The following WDR59 variants were observed in gnomAD, a reference collection of about 807,000 sequenced individuals.
WDR59 encodes the protein WD repeat domain 59.
In WDR59, 100 loss-of-function variants were observed where a neutral mutation model predicts 131.2. That is an observed-to-expected ratio of 0.76 (90% CI 0.65 to 0.90). WDR59 has a LOEUF of 0.90. WDR59 is among the 40% of genes least tolerant of loss of function. The probability of loss-of-function intolerance (pLI) is 0.00; values close to 1 mark genes in which losing one functional copy is unlikely to be tolerated. For synonymous variants in WDR59, 601 were observed against 466.2 expected, an observed-to-expected ratio of 1.29 and a Z score of -3.72; for missense variants, 1,203 against 1,262.2, an observed-to-expected ratio of 0.95 and a Z score of 0.71.
intron 7 of WDR59, 72 bp from the exon 8 acceptor site, chr16:74,938,338 C>T: frequency 9.2e-7 from 1 of 1,081,378 alleles, no homozygotes; most frequent in Non-Finnish European, 1.3e-6. Flanking sequence ...TAAAAGTCTG[C>T]TAGGTAGTGA....
chr16:74,912,433 C>A, intron 13 of WDR59, 71 bp from the exon 14 acceptor site: 1 of 1,494,614 alleles, frequency 6.7e-7, no homozygotes, highest in Non-Finnish European at 9.1e-7. Flanking sequence ...GCACATTTAA[C>A]TGAACGCTCC....
intron 6 of WDR59, among the ~76,000 whole-genome samples, chr16:74,946,827 G>A (rs1304646519): frequency 7.2e-5 from 11 of 152,252 alleles, no homozygotes; most frequent in South Asian, 2.1e-4. Flanking sequence ...ATAAAAAGGC[G>A]TGGGGTACAG....
At position 74,909,807 on chromosome 16, in the gene WDR59, T is replaced by C; in HGVS notation, c.1485+15A>G. ...ACCAAAGCCTAAGTTGGTATGACAG[T>C]TTCATGCTTCCCACCACAAAGGACT... On this transcript the variant is annotated intron_variant, in intron 15 of 25. Transcript: ENST00000262144. The C allele has an allele frequency of 6.2e-7, 1 of 1,607,030 alleles. No homozygotes were observed. Among genetic ancestry groups the C allele is most frequent in the African/African-American group, 1.3e-5 (1 of 74,538 alleles).
intron 1 of WDR59, among the ~76,000 whole-genome samples, chr16:74,975,120 G>A (rs772027398): frequency 2.6e-5 from 4 of 152,190 alleles, no homozygotes; most frequent in Non-Finnish European, 4.4e-5. Context: ...CAGCACCTTG[G>A]GATGCCAAGG....
intron 18 of WDR59, among the ~76,000 whole-genome samples, chr16:74,894,413 A>T (rs1431796527): frequency 1.3e-5 from 2 of 152,200 alleles, no homozygotes; most frequent in Admixed American, 1.3e-4. Context: ...TGGGTAACAG[A>T]CATGGAAGAT....
chr16:74,911,474 T>C (rs1372882253), intron 14 of WDR59, among the ~76,000 whole-genome samples: 1 of 152,184 alleles, frequency 6.6e-6, no homozygotes, highest in Non-Finnish European at 1.5e-5. Context: ...TCCCTTCACT[T>C]GTGACACTGC....
intron 18 of WDR59, among the ~76,000 whole-genome samples, chr16:74,895,435 G>A (rs1017263676): frequency 1.3e-5 from 2 of 151,996 alleles, no homozygotes; most frequent in Non-Finnish European, 2.9e-5. Context: ...GCTAATTTTT[G>A]TATTTTTAGT....
At chr16:74,984,766 G>A (rs2034557503) in intron 1 of WDR59, 198 bp downstream of exon 1, 1 of 686,952 alleles carries the variant, frequency 1.5e-6, no homozygotes, top group African/African-American at 1.8e-5. Context: ...CCGAAACTCC[G>A]TCCATGCTCG....
chr16:74,951,489 T>G lies in WDR59; in HGVS notation c.295A>C (p.Thr99Pro). Residue 99 changes from threonine to proline, a missense_variant, in exon 4 of 26, where the codon ACA becomes CCA. Transcript: ENST00000262144. The stretch of plus-strand genomic sequence containing the variant: ...ACACGAGTGTGGCCTTGTAAGGTTG[T>G]GCCAACTTCCCCACTGCCGTCTTTC... ...KWKDGSGEVGTTLQGHTRVIS... is the reference protein window; with the variant it reads ...KWKDGSGEVGPTLQGHTRVIS... 6.2e-7 allele frequency: 1 copy of G among 1,603,252 alleles called. No homozygotes were observed. Among genetic ancestry groups the G allele is most frequent in the Non-Finnish European group, 8.5e-7 (1 of 1,175,478 alleles).
intron 9 of WDR59, among the ~76,000 whole-genome samples, chr16:74,922,489 C>T (rs1567723270): frequency 6.6e-6 from 1 of 152,186 alleles, no homozygotes; most frequent in Non-Finnish European, 1.5e-5. Flanking sequence ...AGGGAAAATC[C>T]CTGGAGCAGC....
intron 14 of WDR59, among the ~76,000 whole-genome samples, chr16:74,911,586 AT>A (rs2144937332): frequency 6.6e-6 from 1 of 152,354 alleles, no homozygotes; most frequent in Non-Finnish European, 1.5e-5. Context: ...AATCTGCAGA[AT>A]TAAACACAGA....
chr16:74,977,557 G>A (rs934380311), intron 1 of WDR59, among the ~76,000 whole-genome samples: 8 of 152,096 alleles, frequency 5.3e-5, no homozygotes, highest in Admixed American at 1.3e-4. Context: ...GTGTGGTGGC[G>A]GGCGCATGTA....
At chr16:74,874,506 A>T (rs2144738533) in intron 25 of WDR59, 62 bp from the exon 26 acceptor site, 1 of 1,461,146 alleles carries the variant, frequency 6.8e-7, no homozygotes, top group East Asian at 2.3e-5. Flanking sequence ...GAAAAAGGAA[A>T]CTGGGGCTTG....
intron 8 of WDR59, among the ~76,000 whole-genome samples, chr16:74,932,804 T>C (rs990010047): frequency 1.3e-5 from 2 of 152,174 alleles, no homozygotes; most frequent in African/African-American, 2.4e-5. Flanking sequence ...TGTTTATTGA[T>C]TGTCCAGTTA....
chr16:74,938,314 G>C (rs751226740), intron 7 of WDR59, 48 bp from the exon 8 acceptor site: 1 of 1,315,056 alleles, frequency 7.6e-7, no homozygotes, highest in South Asian at 1.7e-5. Context: ...AGAACTCTTT[G>C]AGTGTCTATC....
At chr16:74,941,171 C>CA (rs969820370) in intron 7 of WDR59, among the ~76,000 whole-genome samples, 10 of 147,932 alleles carry the variant, frequency 6.8e-5, no homozygotes, top group East Asian at 4.0e-4. Flanking sequence ...CTTGTCTCTA[C>CA]AAAAAAAAAA....
At chr16:74,976,338 T>C (rs1404042110) in intron 1 of WDR59, among the ~76,000 whole-genome samples, 1 of 152,086 alleles carries the variant, frequency 6.6e-6, no homozygotes, top group Non-Finnish European at 1.5e-5. Context: ...CAGAAGAGAG[T>C]ATACTTTCTG....
intron 10 of WDR59, among the ~76,000 whole-genome samples, chr16:74,919,651 C>A (rs960561470): frequency 3.9e-5 from 6 of 151,986 alleles, no homozygotes; most frequent in African/African-American, 1.5e-4. Context: ...CCTGGAACTC[C>A]TTTCTTAATG....
intron 17 of WDR59, among the ~76,000 whole-genome samples, chr16:74,907,281 C>A (rs565127888): frequency 1.3e-5 from 2 of 152,168 alleles, no homozygotes; most frequent in African/African-American, 4.8e-5. Context: ...TGTGTCCCCA[C>A]CCAAATCTCA....
Sources: allele counts gnomAD v4.1 joint callset (sites outside exome capture counted in the v4.1 genomes callset), GRCh38; gene constraint gnomAD v4.1.1; transcripts MANE v1.5; gene names NCBI Gene and HGNC (gene_info 2026-07-23, HGNC 2026-07-21).